Variants in GPC5 observed in about 807,000 individuals in gnomAD.
GPC5 encodes the protein glypican 5.
Under a neutral mutation model 53.9 loss-of-function variants are expected in GPC5, and 47 were observed. The observed-to-expected ratio is 0.87, with a 90% CI of 0.69 to 1.11. The LOEUF (loss-of-function observed/expected upper bound fraction) is 1.11. GPC5 is among the 50% of genes most tolerant of loss of function. The pLI, the probability that GPC5 is intolerant of heterozygous loss-of-function variation, is 0.00. For missense variants in GPC5, 748 were observed against 713.1 expected (o/e 1.05, Z -0.56); for synonymous variants, 286 against 263.3 (o/e 1.09, Z -0.84).
intron 2 of GPC5, among the ~76,000 whole-genome samples, chr13:91,626,939 G>A (rs981009058): frequency 2.0e-5 from 3 of 148,172 alleles, no homozygotes; most frequent in South Asian, 2.1e-4. Flanking sequence ...TTGTCCTTGC[G>A]ATAGTCTGCT....
At chr13:91,440,833 C>T (rs946821764) in intron 1 of GPC5, among the ~76,000 whole-genome samples, 2 of 152,150 alleles carry the variant, frequency 1.3e-5, no homozygotes, top group Admixed American at 6.5e-5. Context: ...CTTAGCTTGC[C>T]AAGAGCTAGG....
At chr13:92,219,313 T>C (rs2042432558) in intron 7 of GPC5, among the ~76,000 whole-genome samples, 1 of 152,178 alleles carries the variant, frequency 6.6e-6, no homozygotes, top group Non-Finnish European at 1.5e-5. Flanking sequence ...TCTGGATTTT[T>C]CCAATTATAT....
At chr13:91,959,077 C>T (rs1594688273) in intron 6 of GPC5, among the ~76,000 whole-genome samples, 1 of 150,678 alleles carries the variant, frequency 6.6e-6, no homozygotes, top group Non-Finnish European at 1.5e-5. Flanking sequence ...CACACACACA[C>T]ACACACACAC....
At chr13:91,892,509 A>G (rs562673220) in intron 5 of GPC5, among the ~76,000 whole-genome samples, 2 of 151,732 alleles carry the variant, frequency 1.3e-5, no homozygotes, top group Non-Finnish European at 1.5e-5. Context: ...TACACTTTAT[A>G]TACAAAATTA....
At chr13:92,234,941 A>C (rs768370278) in intron 7 of GPC5, among the ~76,000 whole-genome samples, 6 of 152,188 alleles carry the variant, frequency 3.9e-5, no homozygotes, top group Non-Finnish European at 7.4e-5. Context: ...ATTTGGGGCC[A>C]TACAATCAGG....
intron 5 of GPC5, among the ~76,000 whole-genome samples, chr13:91,860,261 C>G (rs2039012146): frequency 6.6e-6 from 1 of 152,114 alleles, no homozygotes; most frequent in Admixed American, 6.6e-5. Flanking sequence ...CTCTGTTTTA[C>G]TTTTAACTTC....
At chr13:92,470,067 C>G (rs1336149594) in intron 7 of GPC5, among the ~76,000 whole-genome samples, 1 of 152,076 alleles carries the variant, frequency 6.6e-6, no homozygotes, top group Non-Finnish European at 1.5e-5. Context: ...GTGCTCATAA[C>G]AATTTTTAAA....
chr13:92,676,605 A>C (rs2139215706), intron 7 of GPC5, among the ~76,000 whole-genome samples: 1 of 152,292 alleles, frequency 6.6e-6, no homozygotes, highest in Middle Eastern at 3.4e-3. Flanking sequence ...TGTTAAGTAG[A>C]TAATAATGCT....
At chr13:92,128,217 C>T (rs981619280) in intron 6 of GPC5, among the ~76,000 whole-genome samples, 4 of 152,172 alleles carry the variant, frequency 2.6e-5, no homozygotes, top group Non-Finnish European at 5.9e-5. Flanking sequence ...GTTGTTCCTC[C>T]CTCTGCTAAC....
At chr13:91,763,786 G>T (rs972438435) in intron 5 of GPC5, among the ~76,000 whole-genome samples, 1 of 151,790 alleles carries the variant, frequency 6.6e-6, no homozygotes, top group Admixed American at 6.6e-5. Context: ...TCATGGTTTG[G>T]GTCTATAACA....
At chr13:92,500,290 G>C (rs540362435) in intron 7 of GPC5, among the ~76,000 whole-genome samples, 12 of 152,236 alleles carry the variant, frequency 7.9e-5, no homozygotes, top group African/African-American at 2.2e-4. Flanking sequence ...ACCACTTACA[G>C]ACTCCCGGGA....
At chr13:91,813,868 T>G (rs1257237332) in intron 5 of GPC5, among the ~76,000 whole-genome samples, 2 of 151,744 alleles carry the variant, frequency 1.3e-5, no homozygotes, top group African/African-American at 2.4e-5. Context: ...CTTGTTCATG[T>G]GTACACTGGT....
intron 6 of GPC5, among the ~76,000 whole-genome samples, chr13:92,061,951 T>C (rs1349877131): frequency 6.6e-6 from 1 of 152,008 alleles, no homozygotes; most frequent in African/African-American, 2.4e-5. Flanking sequence ...ACTATTCTAT[T>C]TTGCTAAGAA....
At chr13:92,383,783 T>C (rs1594153075) in intron 7 of GPC5, among the ~76,000 whole-genome samples, 1 of 152,174 alleles carries the variant, frequency 6.6e-6, no homozygotes, top group East Asian at 1.9e-4. Flanking sequence ...TATTTTAACT[T>C]AAAATTTTTT....
At chr13:91,540,451 CCCAG>C (rs2029876305) in intron 2 of GPC5, among the ~76,000 whole-genome samples, 1 of 152,148 alleles carries the variant, frequency 6.6e-6, no homozygotes, top group Non-Finnish European at 1.5e-5. Context: ...TTTGAATAGG[CCCAG>C]TGGGGCTGGA....
At chr13:92,106,524 A>C (rs2138920073) in intron 6 of GPC5, among the ~76,000 whole-genome samples, 1 of 152,230 alleles carries the variant, frequency 6.6e-6, no homozygotes, top group Admixed American at 6.5e-5. Context: ...ATATGAATTG[A>C]ATCATAAAAA....
intron 2 of GPC5, among the ~76,000 whole-genome samples, chr13:91,483,189 T>C (rs757263299): frequency 6.6e-6 from 1 of 152,200 alleles, no homozygotes; most frequent in Non-Finnish European, 1.5e-5. Flanking sequence ...GAAGGCATCA[T>C]AGTAGAGCCT....
At chr13:91,565,426 G>C (rs1327121160) in intron 2 of GPC5, among the ~76,000 whole-genome samples, 1 of 152,206 alleles carries the variant, frequency 6.6e-6, no homozygotes, top group Non-Finnish European at 1.5e-5. Context: ...CTGCTTAAGC[G>C]ATGTACAGTT....
At chr13:92,259,747 T>C (rs1330696255) in intron 7 of GPC5, among the ~76,000 whole-genome samples, 3 of 152,160 alleles carry the variant, frequency 2.0e-5, no homozygotes, top group Admixed American at 6.5e-5. Context: ...CTCATCAGTT[T>C]GGGGAACTCC....
Sources: gnomAD v4.1 joint callset for allele counts (sites outside exome capture counted in the v4.1 genomes callset) on GRCh38, gnomAD v4.1.1 for gene constraint, MANE v1.5 for transcripts, NCBI Gene and HGNC (gene_info 2026-07-23, HGNC 2026-07-21) for gene names.